The following MAB21L1 variants were observed in gnomAD, a reference collection of about 807,000 sequenced individuals.
The protein encoded by MAB21L1 is mab-21 like 1.
A neutral mutation model predicts 28.9 loss-of-function variants in MAB21L1; 8 were observed. The ratio of observed to expected loss-of-function variants is 0.28; its 90% CI spans 0.16 to 0.50. MAB21L1 has a LOEUF of 0.50. Among genes scored for constraint, MAB21L1 ranks in the 20% least tolerant of loss-of-function variants. The pLI is 0.98. For missense variants in MAB21L1, 388 were observed against 466.5 expected (o/e 0.83, Z 1.55); for synonymous variants, 219 against 198.2 (o/e 1.10, Z -0.88).
Position 35,475,135 on chromosome 13 carries a change from A to G in MAB21L1, c.1004T>C (p.Leu335Pro). Residue 335 changes from leucine (L) to proline (P), a missense_variant, in exon 1 of 1, where the codon CTG becomes CCG. Leu to Pro is a moderately conservative substitution (Grantham distance 98). This residue lies in a region of MAB21L1 where 218 missense variants were observed against 220.6 expected (regional missense o/e 0.99). Transcript: ENST00000379919. ...DLFQGKPHSA[L>P]ENAAKQTWRL... ...CCACGTTTGTTTGGCAGCGTTTTCCAGAGCTGAGTGAGGTTTGCCTTGAAA... is the reference window on the plus strand; with the variant it reads ...CCACGTTTGTTTGGCAGCGTTTTCCGGAGCTGAGTGAGGTTTGCCTTGAAA... 6.2e-7 allele frequency: 1 copy of G among 1,614,148 alleles called. No homozygotes were observed. Among genetic ancestry groups the G allele is most frequent in the Non-Finnish European group, 8.5e-7 (1 of 1,180,026 alleles).
Position 35,475,847 on chromosome 13 carries a change from C to A in MAB21L1, c.292G>T (p.Ala98Ser), listed in dbSNP as rs1268709729. The change falls in exon 1 of 1, where the codon GCG becomes TCG. Residue 98 changes from alanine (A) to serine (S), a missense_variant. This residue lies in a region of MAB21L1 where 81 missense variants were observed against 153.7 expected (regional missense o/e 0.53). Transcript: ENST00000379919. The stretch of plus-strand genomic sequence containing the variant: ...CGCCCGTCGCTCAACTTCAGCACCG[C>A]GCAGCCGGGCAGTGAGCCATCGTCC... ...FVDDGSLPGCAVLKLSDGRKR... is the reference protein window; with the variant it reads ...FVDDGSLPGCSVLKLSDGRKR... 2 of 1,614,052 alleles carry A rather than the reference C, an allele frequency of 1.2e-6. No homozygotes were observed. Among genetic ancestry groups the A allele is most frequent in the Non-Finnish European group, 1.7e-6 (2 of 1,180,028 alleles).
In MAB21L1 at chr13:35,475,042, C is replaced by A. The variant is rs1164506727; in HGVS notation, c.*17G>T. On this transcript the variant is annotated 3_prime_UTR_variant, in exon 1 of 1. Transcript: ENST00000379919. Reference sequence around the variant, plus strand: ...TTTGAGAAGGGTAATAATTTCGGCTCTTGATTAAATCATCCTCTAAAGTTT... The same window carrying A: ...TTTGAGAAGGGTAATAATTTCGGCTATTGATTAAATCATCCTCTAAAGTTT... The A allele has an allele frequency of 1.2e-6, 2 of 1,602,962 alleles. No individual in the cohort carries two copies. Among genetic ancestry groups the A allele is most frequent in the Non-Finnish European group, 1.7e-6 (2 of 1,173,476 alleles).
In MAB21L1 at chr13:35,474,310, A is replaced by G. The variant is rs1228550868; in HGVS notation, c.*749T>C. 1 of 152,656 alleles carries G rather than the reference A, an allele frequency of 6.6e-6. No individual in the cohort carries two copies. The highest frequency in any genetic ancestry group is 1.5e-5 in the Non-Finnish European group (1 of 68,038). 9.5% of individuals were successfully genotyped at this position (152,656 alleles called of 1,614,324 possible). ...AGTGTATTTCAAGTGCATTTTTCAA[A>G]TATATAATTCAGATATTCAAGCGTT... is the stretch of plus-strand genomic sequence containing the variant. On this transcript the variant is annotated 3_prime_UTR_variant, in exon 1 of 1. Coordinates refer to ENST00000379919, the MANE Select transcript of MAB21L1 (RefSeq NM_005584.5).
rs1594754801 is a variant in MAB21L1, at chr13:35,474,376, A to G, written c.*683T>C. ...TTCAAATTTCTTTGAATATATTTAA[A>G]TAACATTTCAAGTATATTTATGGAA... On this transcript the variant is annotated 3_prime_UTR_variant, in exon 1 of 1. Transcript: ENST00000379919. 6.6e-6 allele frequency: 1 copy of G among 151,694 alleles called. No homozygotes were observed. The highest frequency in any genetic ancestry group is 1.5e-5 in the Non-Finnish European group (1 of 68,000). The allele number at this position is 151,694 out of a possible 1,614,324, so 9.4% of individuals were successfully genotyped here. A position where few individuals can be genotyped will look rare whatever the true frequency, so the allele number is the denominator to read the frequency against.
rs1284335390 is a variant in MAB21L1 at position 35,475,300 on chromosome 13, T to C, written c.839A>G (p.Tyr280Cys). The C allele has an allele frequency of 6.2e-7, 1 of 1,613,970 alleles. No individual in the cohort carries two copies. The part of the protein sequence containing the change: ...NNYHMKTLVS[Y>C]ECEKHPRESD... Reference sequence around the variant, plus strand: ...CTCTCGGGGATGCTTTTCACACTCGTAGGAAACCAGAGTCTTCATATGGTA... The same window carrying C: ...CTCTCGGGGATGCTTTTCACACTCGCAGGAAACCAGAGTCTTCATATGGTA... Residue 280 changes from tyrosine (Y) to cysteine (C), a missense_variant, in exon 1 of 1, where the codon TAC becomes TGC. Transcript: ENST00000379919.
Position 35,475,785 on chromosome 13 carries a change from G to T in MAB21L1, c.354C>A (p.Thr118=), listed in dbSNP as rs1056127463. The T allele has an allele frequency of 6.2e-7, 1 of 1,613,870 alleles. No homozygotes were observed. The highest frequency in any genetic ancestry group is 1.1e-5 in the South Asian group (1 of 91,052). The part of the protein sequence containing the change: ...RSMSLWVEFI[T]ASGYLSARKI... ...TGCGCGCCGAGAGGTAGCCGGAGGC[G>T]GTAATGAATTCCACCCAGAGGGACA... Residue 118 remains threonine (T), a synonymous_variant, in exon 1 of 1, where the codon ACC becomes ACA. Coordinates refer to ENST00000379919, the MANE Select transcript of MAB21L1 (RefSeq NM_005584.5).
At position 35,475,054 on chromosome 13, in the gene MAB21L1, A is replaced by G; in HGVS notation, c.*5T>C. 2 of 1,608,450 alleles carry G rather than the reference A, an allele frequency of 1.2e-6. No homozygotes were observed. The highest frequency in any genetic ancestry group is 1.7e-6 in the Non-Finnish European group (2 of 1,176,504). On this transcript the variant is annotated 3_prime_UTR_variant, in exon 1 of 1. Transcript: ENST00000379919. ...AATAATTTCGGCTCTTGATTAAATC[A>G]TCCTCTAAAGTTTTTCCAAACTTTT...
rs753585442 is a variant in MAB21L1, at chr13:35,475,562, G to C, written c.577C>G (p.Pro193Ala). The C allele has an allele frequency of 6.2e-7, 1 of 1,613,454 alleles. No homozygotes were observed. The highest frequency in any genetic ancestry group is 1.1e-5 in the South Asian group (1 of 91,052). The change falls in exon 1 of 1, where the codon CCC becomes GCC. Residue 193 changes from proline (P) to alanine (A), a missense_variant. Around this residue, in one of 3 missense-constraint regions of MAB21L1, gnomAD observed 218 missense variants for 220.6 expected, o/e 0.99. Coordinates refer to ENST00000379919, the MANE Select transcript of MAB21L1 (RefSeq NM_005584.5). ...GCCACCCGGTTGGGTCCCGGCCAGG[G>C]GATGTGGGGAAGTGGCCAGTGGGCA... ...SAAHWPLPHI[P>A]WPGPNRVAEV...
In MAB21L1 at chr13:35,475,290, T is replaced by C; in HGVS notation, c.849A>G (p.Glu283=). The part of the protein sequence containing the change: ...HMKTLVSYEC[E]KHPRESDWDE... ...CCCAGTCCGACTCTCGGGGATGCTTTTCACACTCGTAGGAAACCAGAGTCT... is the reference window on the plus strand; with the variant it reads ...CCCAGTCCGACTCTCGGGGATGCTTCTCACACTCGTAGGAAACCAGAGTCT... The change falls in exon 1 of 1, where the codon GAA becomes GAG. Residue 283 remains glutamate (E), a synonymous_variant. Coordinates refer to ENST00000379919, the MANE Select transcript of MAB21L1 (RefSeq NM_005584.5). The C allele has an allele frequency of 6.2e-7, 1 of 1,614,040 alleles. No homozygotes were observed. Among genetic ancestry groups the C allele is most frequent in the Non-Finnish European group, 8.5e-7 (1 of 1,180,028 alleles).
Position 35,476,086 on chromosome 13 carries a change from T to C in MAB21L1, c.53A>G (p.Glu18Gly). ...GGCAGCTTTCCTGGCTTGGCATTTT[T>C]CGTTGTAGTATTTATTCAGATGGTA... is the stretch of plus-strand genomic sequence containing the variant. ...LVYHLNKYYN[E>G]KCQARKAAIA... is the part of the protein sequence containing the mutation. Residue 18 changes from glutamate (E) to glycine (G), a missense_variant, in exon 1 of 1, where the codon GAA becomes GGA. Coordinates refer to ENST00000379919, the MANE Select transcript of MAB21L1 (RefSeq NM_005584.5). The C allele has an allele frequency of 6.2e-7, 1 of 1,614,208 alleles. No homozygotes were observed. Among genetic ancestry groups the C allele is most frequent in the South Asian group, 1.1e-5 (1 of 91,088 alleles).
rs1315099268 is a variant in MAB21L1, at chr13:35,475,173, C to T, written c.966G>A (p.Pro322=). ...GTTTGCCTTGAAACAGATCTAAGTT[C>T]GGTAGAAAGTAGTGGGGACACCGCC... is the stretch of plus-strand genomic sequence containing the variant. ...QCRRCPHYFL[P]NLDLFQGKPH... is the part of the protein sequence containing the mutation. Residue 322 remains proline (P), a synonymous_variant, in exon 1 of 1, where the codon CCG becomes CCA. Coordinates refer to ENST00000379919, the MANE Select transcript of MAB21L1 (RefSeq NM_005584.5). The T allele has an allele frequency of 6.2e-7, 1 of 1,613,926 alleles. No homozygotes were observed. The highest frequency in any genetic ancestry group is 1.1e-5 in the South Asian group (1 of 91,056).
At position 35,475,767 on chromosome 13, in the gene MAB21L1, C is replaced by A. The variant is rs200699678; in HGVS notation, c.372G>T (p.Ser124=). Residue 124 remains serine, a synonymous_variant, in exon 1 of 1, where the codon TCG becomes TCT. Transcript: ENST00000379919. The stretch of plus-strand genomic sequence containing the variant: ...GAAACCTGGACCGGATTTTGCGCGC[C>A]GAGAGGTAGCCGGAGGCGGTAATGA... ...VEFITASGYL[S]ARKIRSRFQT... is the part of the protein sequence containing the mutation. The A allele has an allele frequency of 1.8e-5, 29 of 1,613,900 alleles. No homozygotes were observed. Among genetic ancestry groups the A allele is most frequent in the Non-Finnish European group, 2.3e-5 (27 of 1,179,978 alleles).
At position 35,475,045 on chromosome 13, in the gene MAB21L1, G is replaced by C. The variant is rs748814111; in HGVS notation, c.*14C>G. 3 of 1,605,170 alleles carry C rather than the reference G, an allele frequency of 1.9e-6. No individual in the cohort carries two copies. The highest frequency in any genetic ancestry group is 4.5e-5 in the East Asian group (2 of 44,766). On this transcript the variant is annotated 3_prime_UTR_variant, in exon 1 of 1. Transcript: ENST00000379919. The stretch of plus-strand genomic sequence containing the variant: ...GAGAAGGGTAATAATTTCGGCTCTT[G>C]ATTAAATCATCCTCTAAAGTTTTTC...
chr13:35,474,869 A>G lies in MAB21L1; in HGVS notation c.*190T>C. The G allele has an allele frequency of 1.5e-6, 1 of 686,492 alleles. No individual in the cohort carries two copies. The highest frequency in any genetic ancestry group is 2.3e-6 in the Non-Finnish European group (1 of 425,982). 42.5% of individuals were successfully genotyped at this position (686,492 alleles called of 1,614,324 possible). ...TACTAGTGGCTTTGGGTTTTTCTCC[A>G]TCCGCTTCCCCTACTTTTTCTCCCC... On this transcript the variant is annotated 3_prime_UTR_variant, in exon 1 of 1. Coordinates refer to ENST00000379919, the MANE Select transcript of MAB21L1 (RefSeq NM_005584.5).
Position 35,475,596 on chromosome 13 carries a change from C to T in MAB21L1, c.543G>A (p.Pro181=), listed in dbSNP as rs1174725473. The part of the protein sequence containing the change: ...TPAFKCTGIW[P]RSAAHWPLPH... ...GAAGTGGCCAGTGGGCAGCACTCCT[C>T]GGCCAGATCCCGGTGCATTTAAAGG... is the stretch of plus-strand genomic sequence containing the variant. The change falls in exon 1 of 1, where the codon CCG becomes CCA. Residue 181 remains proline, a synonymous_variant. Coordinates refer to ENST00000379919, the MANE Select transcript of MAB21L1 (RefSeq NM_005584.5). 4 of 1,613,572 alleles carry T rather than the reference C, an allele frequency of 2.5e-6. No homozygotes were observed. Among genetic ancestry groups the T allele is most frequent in the East Asian group, 2.2e-5 (1 of 44,832 alleles).
rs747432918 is a variant in MAB21L1, at chr13:35,476,063, C to A, written c.76G>T (p.Ala26Ser). 3 of 1,614,076 alleles carry A rather than the reference C, an allele frequency of 1.9e-6. No individual in the cohort carries two copies. Among genetic ancestry groups the A allele is most frequent in the Non-Finnish European group, 2.5e-6 (3 of 1,180,046 alleles). ...ACTTCCCGGATAGTTTTGGCAATGGCAGCTTTCCTGGCTTGGCATTTTTCG... is the reference window on the plus strand; with the variant it reads ...ACTTCCCGGATAGTTTTGGCAATGGAAGCTTTCCTGGCTTGGCATTTTTCG... ...YNEKCQARKA[A>S]IAKTIREVCK... is the part of the protein sequence containing the mutation. The change falls in exon 1 of 1, where the codon GCC becomes TCC. Residue 26 changes from alanine (A) to serine (S), a missense_variant. By Grantham distance (99) the Ala-to-Ser change is moderately conservative (BLOSUM62 1). Coordinates refer to ENST00000379919, the MANE Select transcript of MAB21L1 (RefSeq NM_005584.5).
In MAB21L1 at chr13:35,476,005, A is replaced by G; in HGVS notation, c.134T>C (p.Val45Ala). The change falls in exon 1 of 1, where the codon GTG becomes GCG. Residue 45 changes from valine to alanine, a missense_variant. Around this residue, in one of 3 missense-constraint regions of MAB21L1, gnomAD observed 89 missense variants for 92.2 expected, o/e 0.97. Transcript: ENST00000379919. ...GATGAACCGCGGCTCCTGCACTTCC[A>G]CTTCCTTCAGTACGTCGGAAACTAC... The part of the protein sequence containing the change: ...CKVVSDVLKE[V>A]EVQEPRFISS... 6.2e-7 allele frequency: 1 copy of G among 1,614,062 alleles called. No homozygotes were observed. Among genetic ancestry groups the G allele is most frequent in the Non-Finnish European group, 8.5e-7 (1 of 1,180,018 alleles).
Position 35,475,407 on chromosome 13 carries a change from C to T in MAB21L1, c.732G>A (p.Gly244=), listed in dbSNP as rs1418831328. 8 of 1,613,590 alleles carry T rather than the reference C, an allele frequency of 5.0e-6. No individual in the cohort carries two copies. The highest frequency in any genetic ancestry group is 1.7e-5 in the Admixed American group (1 of 59,952). ...TGGAGAGGCACTTCTTTCTGCAGCC[C>T]CCCATCTGCAGTCTGTTCTCTGCCT... is the stretch of plus-strand genomic sequence containing the variant. ...FAEAENRLQM[G]GCRKKCLSIL... The change falls in exon 1 of 1, where the codon GGG becomes GGA. Residue 244 remains glycine, a synonymous_variant. Coordinates refer to ENST00000379919, the MANE Select transcript of MAB21L1 (RefSeq NM_005584.5).
At position 35,476,361 on chromosome 13, in the gene MAB21L1, C is replaced by T. The variant is rs1260200531; in HGVS notation, c.-223G>A. ...CTGCTGCTGCTGCTGCTGCTTTTCC[C>T]TTCCTTTTATCTTTGAGCCCAGCCG... is the stretch of plus-strand genomic sequence containing the variant. On this transcript the variant is annotated 5_prime_UTR_variant, in exon 1 of 1. Coordinates refer to ENST00000379919, the MANE Select transcript of MAB21L1 (RefSeq NM_005584.5). 1.1e-6 allele frequency: 1 copy of T among 888,376 alleles called. No individual in the cohort carries two copies. The highest frequency in any genetic ancestry group is 2.7e-5 in the East Asian group (1 of 36,902). 55.0% of individuals were successfully genotyped at this position (888,376 alleles called of 1,614,324 possible). A position where few individuals can be genotyped will look rare whatever the true frequency, so the allele number is the denominator to read the frequency against.
Sources: gnomAD v4.1 joint callset for allele counts on GRCh38, gnomAD v4.1.1 for gene constraint, gnomAD v4.1.1 regional missense constraint, MANE v1.5 for transcripts, NCBI Gene and HGNC (gene_info 2026-07-23, HGNC 2026-07-21) for gene names.